Variants in NRBP2 observed in about 807,000 individuals in gnomAD.
The protein encoded by NRBP2 is nuclear receptor binding protein 2, also known as nuclear receptor-binding protein 2.
Under a neutral mutation model 74.4 loss-of-function variants are expected in NRBP2, and 47 were observed. The observed-to-expected ratio is 0.63, with a 90% CI of 0.50 to 0.81. The LOEUF (loss-of-function observed/expected upper bound fraction) is 0.81, where lower values mean the gene tolerates loss of function less well. NRBP2 is among the 30% of genes least tolerant of loss of function. NRBP2 has a pLI of 0.00. For missense variants in NRBP2, 613 were observed against 690.1 expected (o/e 0.89, Z 1.25); for synonymous variants, 312 against 273.8 (o/e 1.14, Z -1.38).
In NRBP2 at chr8:143,840,463, G is replaced by A; in HGVS notation, c.130-234C>T. 3.0e-6 allele frequency: 2 copies of A among 675,632 alleles called. No individual in the cohort carries two copies. The highest frequency in any genetic ancestry group is 3.9e-5 in the South Asian group (2 of 50,672). 41.9% of individuals were successfully genotyped at this position (675,632 alleles called of 1,614,324 possible). Reference sequence around the variant, plus strand: ...TCAGGGGGTCGAGGGGGATCCCCAGGAAGCTAGCGGCTGAGTCCAGAGGCA... The same window carrying A: ...TCAGGGGGTCGAGGGGGATCCCCAGAAAGCTAGCGGCTGAGTCCAGAGGCA... On this transcript the variant is annotated intron_variant, in intron 1 of 17. Transcript: ENST00000442628. The surrounding 1 kb of genome is among the most constrained non-coding windows in gnomAD (Gnocchi z 5.7).
In NRBP2 at chr8:143,839,242, G is replaced by A. The variant is rs1818577515; in HGVS notation, c.581-47C>T. The A allele has an allele frequency of 6.5e-7, 1 of 1,533,430 alleles. No individual in the cohort carries two copies. The highest frequency in any genetic ancestry group is 1.2e-5 in the South Asian group (1 of 83,970). 95.0% of individuals were successfully genotyped at this position (1,533,430 alleles called of 1,614,324 possible). On this transcript the variant is annotated intron_variant, in intron 6 of 17. Transcript: ENST00000442628. This position sits in a 1 kb window ranked among gnomAD's most constrained non-coding sequence, Gnocchi z 5.1. ...AGTGGAGTTAGCTGCTGGGGCATCA[G>A]AACTCCTCTGCCCTTGGCTCCAGGC...
At chr8:143,830,859 G>A (rs1023942761), downstream of NRBP2, among the ~76,000 whole-genome samples, 10 of 152,222 alleles carry the variant, frequency 6.6e-5, no homozygotes, top group African/African-American at 2.4e-4. Context: ...AAGAAACCTC[G>A]GGATGAGAAA....
rs782214104 is a variant in NRBP2, at chr8:143,836,111, C to T, written c.1317+16G>A. Reference sequence around the variant, plus strand: ...GCCTTCCCCACGGCAGCGCCGCCCTCCCAGGCCCCGCTCACATGCCAGCGC... The same window carrying T: ...GCCTTCCCCACGGCAGCGCCGCCCTTCCAGGCCCCGCTCACATGCCAGCGC... On this transcript the variant is annotated intron_variant, in intron 15 of 17. Coordinates refer to ENST00000442628, the MANE Select transcript of NRBP2 (RefSeq NM_178564.4). 14 of 1,600,972 alleles carry T rather than the reference C, an allele frequency of 8.7e-6. No homozygotes were observed. The East Asian group carries it at 3.2e-4, about 36-fold the overall frequency.
chr8:143,832,163 A>C (rs1818187747), downstream of NRBP2, among the ~76,000 whole-genome samples: 1 of 152,076 alleles, frequency 6.6e-6, no homozygotes, highest in Non-Finnish European at 1.5e-5. Context: ...GTCAACTCAG[A>C]GTTGAATGGA....
Position 143,838,729 on chromosome 8 carries a change from T to C in NRBP2, c.791A>G (p.Glu264Gly), listed in dbSNP as rs1343547692. Residue 264 changes from glutamate (E) to glycine (G), a missense_variant, in exon 10 of 18, where the codon GAG (glutamate) becomes GGG (glycine). Around this residue, in one of 2 missense-constraint regions of NRBP2, gnomAD observed 332 missense variants for 429.2 expected, o/e 0.77. Coordinates refer to ENST00000442628, the MANE Select transcript of NRBP2 (RefSeq NM_178564.4). Reference protein sequence around the residue: ...IQTNGDTRVTEEAIARARHSL... With the variant: ...IQTNGDTRVTGEAIARARHSL... ...GTGCCTGGCGCGAGCAATGGCCTCC[T>C]CTGTGACCCGGGTGTCCCCATTGGT... 3 of 1,613,318 alleles carry C rather than the reference T, an allele frequency of 1.9e-6. No individual in the cohort carries two copies. Among genetic ancestry groups the C allele is most frequent in the Non-Finnish European group, 2.5e-6 (3 of 1,179,732 alleles).
chr8:143,837,601 C>G lies in NRBP2; in HGVS notation c.973+22G>C, dbSNP rs371148170. 12 of 1,597,312 alleles carry G rather than the reference C, an allele frequency of 7.5e-6. No individual in the cohort carries two copies. The African/African-American group carries it at 1.5e-4, about 20-fold the overall frequency. ...CCAACCTCCACCTCCCCAGCCACCC[C>G]CCGGGCCGGCCTGCTGCTCACACTG... On this transcript the variant is annotated intron_variant, in intron 11 of 17. Transcript: ENST00000442628. This position sits in a 1 kb window ranked among gnomAD's most constrained non-coding sequence, Gnocchi z 4.3.
At chr8:143,838,033 T>G in intron 10 of NRBP2, 1 of 672,916 alleles carries the variant, frequency 1.5e-6, no homozygotes, top group Admixed American at 2.1e-5. Context: ...AAGTCACACC[T>G]GCAAGCCTCC....
chr8:143,840,508 G>A lies in NRBP2; in HGVS notation c.129+198C>T. On this transcript the variant is annotated intron_variant, in intron 1 of 17. Transcript: ENST00000442628. The surrounding 1 kb of genome is among the most constrained non-coding windows in gnomAD (Gnocchi z 5.7). ...GAGGCATGGGGAGGTGGTCCTGGGA[G>A]GAGACTGGCCCTCAGGGAGTCCCAG... The A allele has an allele frequency of 4.5e-6, 3 of 663,294 alleles. No individual in the cohort carries two copies. The highest frequency in any genetic ancestry group is 5.6e-5 in the East Asian group (2 of 35,618). The allele number at this position is 663,294 out of a possible 1,614,324, so 41.1% of individuals were successfully genotyped here.
Position 143,837,407 on chromosome 8 carries a change from C to T in NRBP2, c.1076G>A (p.Arg359Gln), listed in dbSNP as rs570469629. The T allele has an allele frequency of 4.4e-6, 7 of 1,594,268 alleles. No homozygotes were observed. The South Asian group carries it at 4.5e-5, about 10-fold the overall frequency. Reference protein sequence around the residue: ...PRPRRPPLQWRYSEVSFMELD... With the variant: ...PRPRRPPLQWQYSEVSFMELD... ...AGGCTTCTGGGTGCTGACTGCTCAC[C>T]GCCACTGCAGCGGGGGCCTGCGGGG... The change falls in exon 12 of 18, where the codon CGG becomes CAG. Residue 359 changes from arginine to glutamine, a missense_variant and splice_region_variant. This residue lies in a region of NRBP2 where 281 missense variants were observed against 260.9 expected (regional missense o/e 1.08). Transcript: ENST00000442628. This position sits in a 1 kb window ranked among gnomAD's most constrained non-coding sequence, Gnocchi z 4.3.
Position 143,839,074 on chromosome 8 carries a change from T to C in NRBP2, c.631A>G (p.Ile211Val), listed in dbSNP as rs1818566919. ...CGAAGTTCCTCTCGCTCAGCGCGGA[T>C]GGGGCTTCGGAGATCATCTGGAAGT... Reference protein sequence around the residue: ...NALPDDLRSPIRAEREELRNL... With the variant: ...NALPDDLRSPVRAEREELRNL... Residue 211 changes from isoleucine (I) to valine (V), a missense_variant, in exon 8 of 18, where the codon ATC becomes GTC. Ile to Val is a conservative substitution (Grantham distance 29). Coordinates refer to ENST00000442628, the MANE Select transcript of NRBP2 (RefSeq NM_178564.4). This position sits in a 1 kb window ranked among gnomAD's most constrained non-coding sequence, Gnocchi z 5.1. The C allele has an allele frequency of 1.3e-6, 2 of 1,531,068 alleles. No individual in the cohort carries two copies. Among genetic ancestry groups the C allele is most frequent in the African/African-American group, 2.7e-5 (2 of 73,054 alleles). 94.8% of individuals were successfully genotyped at this position (1,531,068 alleles called of 1,614,324 possible). A position where few individuals can be genotyped will look rare whatever the true frequency, so the allele number is the denominator to read the frequency against.
Position 143,838,791 on chromosome 8 carries a change from A to G in NRBP2, c.745-16T>C. The stretch of plus-strand genomic sequence containing the variant: ...GTACAGCCATCTGGGGCACAGAGCC[A>G]GGTCAGGCATGGGGAAGGGACCACA... On this transcript the variant is annotated splice_polypyrimidine_tract_variant and intron_variant, in intron 9 of 17. Coordinates refer to ENST00000442628, the MANE Select transcript of NRBP2 (RefSeq NM_178564.4). The G allele has an allele frequency of 6.2e-7, 1 of 1,611,952 alleles. No individual in the cohort carries two copies. Among genetic ancestry groups the G allele is most frequent in the South Asian group, 1.1e-5 (1 of 90,580 alleles).
Position 143,837,760 on chromosome 8 carries a change from G to C in NRBP2, c.841-5C>G. 1 of 1,558,042 alleles carries C rather than the reference G, an allele frequency of 6.4e-7. No homozygotes were observed. The highest frequency in any genetic ancestry group is 1.7e-4 in the Middle Eastern group (1 of 5,990). ...CAGGCAGCAAAGGATGAACTCCTGG[G>C]GCACAGGGAGGAGAGGCTGGTGGTG... On this transcript the variant is annotated splice_polypyrimidine_tract_variant and splice_region_variant and intron_variant, in intron 10 of 17. Coordinates refer to ENST00000442628, the MANE Select transcript of NRBP2 (RefSeq NM_178564.4). This position sits in a 1 kb window ranked among gnomAD's most constrained non-coding sequence, Gnocchi z 4.3.
Position 143,833,874 on chromosome 8 carries a change from G to C in NRBP2, c.*1788C>G, listed in dbSNP as rs1818252851. The C allele has an allele frequency of 6.6e-6, 1 of 152,166 alleles. No homozygotes were observed. The highest frequency in any genetic ancestry group is 6.5e-5 in the Admixed American group (1 of 15,276). The allele number at this position is 152,166 out of a possible 1,614,324, so 9.4% of individuals were successfully genotyped here. A position where few individuals can be genotyped will look rare whatever the true frequency, so the allele number is the denominator to read the frequency against. ...TAGGATATGGAAATTACTTTAGATT[G>C]CTAATTTTGAGTTGGAAGGCGTGAG... On this transcript the variant is annotated 3_prime_UTR_variant, in exon 18 of 18. Coordinates refer to ENST00000442628, the MANE Select transcript of NRBP2 (RefSeq NM_178564.4).
rs782654536 is a variant in NRBP2, at chr8:143,838,779, G to C, written c.745-4C>G. The stretch of plus-strand genomic sequence containing the variant: ...TCTGGATTTCCAGTACAGCCATCTG[G>C]GGCACAGAGCCAGGTCAGGCATGGG... On this transcript the variant is annotated splice_polypyrimidine_tract_variant and splice_region_variant and intron_variant, in intron 9 of 17. Coordinates refer to ENST00000442628, the MANE Select transcript of NRBP2 (RefSeq NM_178564.4). 6.2e-7 allele frequency: 1 copy of C among 1,612,304 alleles called. No homozygotes were observed.
At chr8:143,832,225 G>A (rs1818190292), downstream of NRBP2, among the ~76,000 whole-genome samples, 1 of 151,662 alleles carries the variant, frequency 6.6e-6, no homozygotes, top group South Asian at 2.1e-4. Context: ...AAGGCAGCAT[G>A]CTCCTTAAGA....
At chr8:143,832,421 T>A (rs1377713486), downstream of NRBP2, among the ~76,000 whole-genome samples, 4 of 152,024 alleles carry the variant, frequency 2.6e-5, no homozygotes, top group Non-Finnish European at 1.5e-5. Flanking sequence ...GGGTCTGTGC[T>A]GAGGAGGATT....
rs945633160 is a variant in NRBP2, at chr8:143,840,324, C to T, written c.130-95G>A. ...TCCACACCTTTCCAGTGGGCCCAAG[C>T]GTGGGCTGCAGGCCCTGAGCCACTC... On this transcript the variant is annotated intron_variant, in intron 1 of 17. Coordinates refer to ENST00000442628, the MANE Select transcript of NRBP2 (RefSeq NM_178564.4). This position sits in a 1 kb window ranked among gnomAD's most constrained non-coding sequence, Gnocchi z 5.7. 2.7e-5 allele frequency: 40 copies of T among 1,472,902 alleles called. No individual in the cohort carries two copies. Among genetic ancestry groups the T allele is most frequent in the Admixed American group, 4.1e-5 (2 of 48,640 alleles). 91.2% of individuals were successfully genotyped at this position (1,472,902 alleles called of 1,614,324 possible).
chr8:143,840,273 G>C lies in NRBP2; in HGVS notation c.130-44C>G. Reference sequence around the variant, plus strand: ...TTATGTGTGCCCTGGTGTGTGTCAGGGTTGTGGGTGAGGATTTGGTCCCTG... The same window carrying C: ...TTATGTGTGCCCTGGTGTGTGTCAGCGTTGTGGGTGAGGATTTGGTCCCTG... On this transcript the variant is annotated intron_variant, in intron 1 of 17. Coordinates refer to ENST00000442628, the MANE Select transcript of NRBP2 (RefSeq NM_178564.4). This position sits in a 1 kb window ranked among gnomAD's most constrained non-coding sequence, Gnocchi z 5.7. The C allele has an allele frequency of 2.6e-6, 4 of 1,533,210 alleles. No homozygotes were observed. The highest frequency in any genetic ancestry group is 2.4e-5 in the South Asian group (2 of 83,618). The allele number at this position is 1,533,210 out of a possible 1,614,324, so 95.0% of individuals were successfully genotyped here.
In NRBP2 at chr8:143,837,883, C is replaced by T. The variant is rs1818497726; in HGVS notation, c.841-128G>A. 8.3e-7 allele frequency: 1 copy of T among 1,198,642 alleles called. No homozygotes were observed. The highest frequency in any genetic ancestry group is 1.2e-6 in the Non-Finnish European group (1 of 837,224). The allele number at this position is 1,198,642 out of a possible 1,614,324, so 74.3% of individuals were successfully genotyped here. A position where few individuals can be genotyped will look rare whatever the true frequency, so the allele number is the denominator to read the frequency against. On this transcript the variant is annotated intron_variant, in intron 10 of 17. Transcript: ENST00000442628. This position sits in a 1 kb window ranked among gnomAD's most constrained non-coding sequence, Gnocchi z 4.3. ...GGACACACAGGACATGCAGGGATGCCCATAGGGAGGAGTCCCAGCAGCAGC... is the reference window on the plus strand; with the variant it reads ...GGACACACAGGACATGCAGGGATGCTCATAGGGAGGAGTCCCAGCAGCAGC...
Sources: gnomAD v4.1 joint callset for allele counts (sites outside exome capture counted in the v4.1 genomes callset) on GRCh38, gnomAD v4.1.1 for gene constraint, gnomAD v4.1.1 regional missense constraint, Gnocchi (gnomAD v3.1) non-coding constraint, MANE v1.5 for transcripts, NCBI Gene and HGNC (gene_info 2026-07-23, HGNC 2026-07-21) for gene names.